The following GATAD2B variants were observed in gnomAD, a reference collection of about 807,000 sequenced individuals.
The protein encoded by GATAD2B is GATA zinc finger domain containing 2B.
Under a neutral mutation model 64.3 loss-of-function variants are expected in GATAD2B, and 8 were observed. That is an observed-to-expected ratio of 0.12 (90% CI 0.07 to 0.22). GATAD2B has a LOEUF of 0.22. Among genes scored for constraint, GATAD2B ranks in the 10% least tolerant of loss-of-function variants. GATAD2B has a pLI of 1.00. For synonymous variants in GATAD2B, 281 were observed against 271.3 expected (o/e 1.04, Z -0.35); for missense variants, 453 against 752.0 (o/e 0.60, Z 4.65).
intron 1 of GATAD2B, among the ~76,000 whole-genome samples, chr1:153,854,171 A>C (rs1676002864): frequency 6.6e-6 from 1 of 152,074 alleles, no homozygotes; most frequent in Admixed American, 6.6e-5. Flanking sequence ...GGGAGGCTGA[A>C]ACGGGCGGAT....
At chr1:153,864,266 G>T (rs1358092670) in intron 1 of GATAD2B, among the ~76,000 whole-genome samples, 1 of 152,164 alleles carries the variant, frequency 6.6e-6, no homozygotes, top group Non-Finnish European at 1.5e-5. Context: ...TTGGTGAGAG[G>T]GGATACAGGA....
At chr1:153,899,767 T>C (rs1390934117) in intron 1 of GATAD2B, among the ~76,000 whole-genome samples, 1 of 152,188 alleles carries the variant, frequency 6.6e-6, no homozygotes, top group Non-Finnish European at 1.5e-5. Context: ...AGTTTACATT[T>C]CAATTGAGTT....
At chr1:153,883,133 A>T (rs1677059843) in intron 1 of GATAD2B, among the ~76,000 whole-genome samples, 1 of 152,180 alleles carries the variant, frequency 6.6e-6, no homozygotes, top group Admixed American at 6.6e-5. Context: ...TCACATCATA[A>T]TTACTGCCTC....
In GATAD2B at chr1:153,808,275, A is replaced by G. The variant is rs1402362816; in HGVS notation, c.*1902T>C. On this transcript the variant is annotated 3_prime_UTR_variant, in exon 11 of 11. Coordinates refer to ENST00000368655, the MANE Select transcript of GATAD2B (RefSeq NM_020699.4). Reference sequence around the variant, plus strand: ...CTCTGCTCCTTTAAGTGCTCAATGAATTTGGGGTAAGGGAGGAAAGAAAAA... The same window carrying G: ...CTCTGCTCCTTTAAGTGCTCAATGAGTTTGGGGTAAGGGAGGAAAGAAAAA... 1 of 152,540 alleles carries G rather than the reference A, an allele frequency of 6.6e-6. No homozygotes were observed. The highest frequency in any genetic ancestry group is 1.5e-5 in the Non-Finnish European group (1 of 68,030). The allele number at this position is 152,540 out of a possible 1,614,324, so 9.4% of individuals were successfully genotyped here. A position where few individuals can be genotyped will look rare whatever the true frequency, so the allele number is the denominator to read the frequency against.
intron 1 of GATAD2B, among the ~76,000 whole-genome samples, chr1:153,885,014 C>G (rs559272799): frequency 1.3e-5 from 2 of 152,198 alleles, no homozygotes; most frequent in African/African-American, 4.8e-5. Context: ...GCTTCGGCCT[C>G]CCAAAGTGCT....
chr1:153,808,129 A>G lies in GATAD2B; in HGVS notation c.*2048T>C, dbSNP rs1395798082. On this transcript the variant is annotated 3_prime_UTR_variant, in exon 11 of 11. Coordinates refer to ENST00000368655, the MANE Select transcript of GATAD2B (RefSeq NM_020699.4). ...CATTAACCCCCCTCCCTCTCCCACC[A>G]CTTACAGTCAGGGGTACCACATTCC... is the stretch of plus-strand genomic sequence containing the variant. 2 of 152,394 alleles carry G rather than the reference A, an allele frequency of 1.3e-5. No individual in the cohort carries two copies. Among genetic ancestry groups the G allele is most frequent in the Non-Finnish European group, 2.9e-5 (2 of 68,014 alleles). 9.4% of individuals were successfully genotyped at this position (152,394 alleles called of 1,614,324 possible). A position where few individuals can be genotyped will look rare whatever the true frequency, so the allele number is the denominator to read the frequency against.
At chr1:153,885,706 C>A (rs571585962) in intron 1 of GATAD2B, among the ~76,000 whole-genome samples, 7 of 151,630 alleles carry the variant, frequency 4.6e-5, no homozygotes, top group Admixed American at 3.3e-4. Context: ...ACTAAAAAGA[C>A]AAAAAAATTA....
chr1:153,852,845 TGAGAGGGAGGTA>T, intron 1 of GATAD2B: 1 of 809,766 alleles, frequency 1.2e-6, no homozygotes, highest in Non-Finnish European at 2.1e-6. Context: ...TCTTCCCCAG[TGAGAGGGAGGTA>T]CTGTCCTACC....
At chr1:153,855,367 TAC>T (rs997839875) in intron 1 of GATAD2B, among the ~76,000 whole-genome samples, 2 of 151,952 alleles carry the variant, frequency 1.3e-5, no homozygotes, top group African/African-American at 4.8e-5. Context: ...TAGCTGGGAT[TAC>T]AGACAGGTGT....
chr1:153,841,189 T>C (rs1457505513), intron 1 of GATAD2B, among the ~76,000 whole-genome samples: 1 of 151,634 alleles, frequency 6.6e-6, no homozygotes, highest in Non-Finnish European at 1.5e-5. Context: ...TCATGTACCC[T>C]TTATCTAGTT....
At chr1:153,851,519 TTC>T (rs1378432969) in intron 1 of GATAD2B, among the ~76,000 whole-genome samples, 1 of 152,192 alleles carries the variant, frequency 6.6e-6, no homozygotes. Context: ...TGATGTGTAC[TTC>T]TCTGATGATT....
intron 1 of GATAD2B, among the ~76,000 whole-genome samples, chr1:153,886,118 G>A (rs577516760): frequency 2.6e-5 from 4 of 152,242 alleles, no homozygotes; most frequent in East Asian, 1.9e-4. Flanking sequence ...AAAAACAGTC[G>A]TTATCTTTGC....
intron 1 of GATAD2B, among the ~76,000 whole-genome samples, chr1:153,909,001 G>T (rs1678035634): frequency 6.6e-6 from 1 of 151,742 alleles, no homozygotes; most frequent in Admixed American, 6.6e-5. Flanking sequence ...AAGAGTTCGA[G>T]ACCTGCCTGG....
chr1:153,888,263 C>T (rs953770374), intron 1 of GATAD2B, among the ~76,000 whole-genome samples: 3 of 151,916 alleles, frequency 2.0e-5, no homozygotes, highest in South Asian at 2.1e-4. Context: ...ATTCCACTGC[C>T]TATCCTTGGA....
intron 1 of GATAD2B, among the ~76,000 whole-genome samples, chr1:153,921,261 C>G (rs770494161): frequency 1.3e-5 from 2 of 152,182 alleles, no homozygotes; most frequent in African/African-American, 2.4e-5. Context: ...TGCCAGAAAA[C>G]ATCAAAGTCA....
chr1:153,827,954 C>A, intron 2 of GATAD2B, 59 bp downstream of exon 2: 2 of 1,219,784 alleles, frequency 1.6e-6, no homozygotes, highest in Non-Finnish European at 2.4e-6. Flanking sequence ...GAATTCATTC[C>A]ATTTTCACAG....
intron 1 of GATAD2B, among the ~76,000 whole-genome samples, chr1:153,899,270 T>C (rs551806471): frequency 6.6e-6 from 1 of 151,620 alleles, no homozygotes; most frequent in Admixed American, 6.6e-5. Flanking sequence ...AAAATAAAAA[T>C]TTTAAAAAGC....
chr1:153,835,978 C>T (rs1469694777), intron 1 of GATAD2B, among the ~76,000 whole-genome samples: 1 of 152,162 alleles, frequency 6.6e-6, no homozygotes, highest in Non-Finnish European at 1.5e-5. Flanking sequence ...CCGCCTCAGC[C>T]TTCCAGAGTG....
chr1:153,919,653 T>C (rs1678369148), intron 1 of GATAD2B, among the ~76,000 whole-genome samples: 1 of 152,180 alleles, frequency 6.6e-6, no homozygotes, highest in Non-Finnish European at 1.5e-5. Flanking sequence ...AAACTGAACT[T>C]CCTTATATAT....
Sources: gnomAD v4.1 joint callset for allele counts (sites outside exome capture counted in the v4.1 genomes callset) on GRCh38, gnomAD v4.1.1 for gene constraint, MANE v1.5 for transcripts, NCBI Gene and HGNC (gene_info 2026-07-23, HGNC 2026-07-21) for gene names.